ASTN1: variants seen among roughly 807,000 people sequenced by gnomAD.
The protein encoded by ASTN1 is astrotactin-1.
ASTN1 carries 41 observed loss-of-function variants against 140.7 expected under a neutral mutation model. The ratio of observed to expected loss-of-function variants is 0.29; its 90% CI spans 0.23 to 0.38. The LOEUF (loss-of-function observed/expected upper bound fraction) is 0.38. Among genes scored for constraint, ASTN1 ranks in the 10% least tolerant of loss-of-function variants. The pLI is 1.00. For synonymous variants in ASTN1, 640 were observed against 652.2 expected (o/e 0.98, Z 0.29); for missense variants, 1,479 against 1,678.8 (o/e 0.88, Z 2.08).
chr1:177,118,052 A>C (rs1225869323), intron 1 of ASTN1, among the ~76,000 whole-genome samples: 1 of 152,176 alleles, frequency 6.6e-6, no homozygotes, highest in Non-Finnish European at 1.5e-5. Context: ...TCTGCTTTGT[A>C]TCATATTTAT....
At chr1:176,918,892 G>T (rs967316369) in intron 16 of ASTN1, among the ~76,000 whole-genome samples, 10 of 151,946 alleles carry the variant, frequency 6.6e-5, no homozygotes, top group Non-Finnish European at 2.9e-5. Flanking sequence ...CACTTGTCCT[G>T]CCCCAACCCC....
intron 17 of ASTN1, among the ~76,000 whole-genome samples, chr1:176,892,576 A>G (rs1056168055): frequency 1.3e-5 from 2 of 152,192 alleles, no homozygotes; most frequent in East Asian, 3.9e-4. Context: ...GGTTTGAGAT[A>G]CCTGGTTCAT....
At chr1:177,090,310 T>C (rs1212150066) in intron 1 of ASTN1, among the ~76,000 whole-genome samples, 2 of 152,010 alleles carry the variant, frequency 1.3e-5, no homozygotes, top group Non-Finnish European at 2.9e-5. Context: ...TCCTTAACAT[T>C]AATTGAGCAT....
At position 177,164,398 on chromosome 1, in the gene ASTN1, C is replaced by A. The variant is rs1358713952; in HGVS notation, c.279G>T (p.Val93=). ...TCGACCTCCCCCGGGACTCACCCAG[C>A]ACGAAGTAGGGCAGCTCCGTGTTCT... is the stretch of plus-strand genomic sequence containing the variant. ...DLENTELPYF[V]LEISGNTEDI... The change falls in exon 1 of 23, where the codon GTG becomes GTT. Residue 93 remains valine, a synonymous_variant. Coordinates refer to ENST00000361833, the MANE Select transcript of ASTN1 (RefSeq NM_004319.3). 11 of 1,594,308 alleles carry A rather than the reference C, an allele frequency of 6.9e-6. No individual in the cohort carries two copies. The highest frequency in any genetic ancestry group is 9.4e-6 in the Non-Finnish European group (11 of 1,168,938).
At chr1:176,935,429 G>A (rs1671400957) in intron 15 of ASTN1, among the ~76,000 whole-genome samples, 2 of 152,198 alleles carry the variant, frequency 1.3e-5, no homozygotes, top group African/African-American at 4.8e-5. Context: ...CACCAGAAGA[G>A]TTTCTGTCAG....
At chr1:177,013,621 G>A (rs1284238942) in intron 8 of ASTN1, among the ~76,000 whole-genome samples, 6 of 152,132 alleles carry the variant, frequency 3.9e-5, no homozygotes, top group Admixed American at 3.9e-4. Context: ...TGACCTCAGG[G>A]ATGTGAGTCC....
chr1:176,952,903 C>T (rs986586712), intron 11 of ASTN1, among the ~76,000 whole-genome samples: 1 of 152,174 alleles, frequency 6.6e-6, no homozygotes, highest in African/African-American at 2.4e-5. Context: ...TTATATTTAG[C>T]ATTCCTAGGG....
chr1:176,911,727 A>G (rs4650953), intron 16 of ASTN1, among the ~76,000 whole-genome samples: 42,805 of 152,078 alleles, frequency 0.28, 6,540 homozygotes, highest in African/African-American at 0.38. Context: ...ACCTGCCTGA[A>G]GCTGTCTTAC....
chr1:176,925,962 C>A (rs988621183), intron 16 of ASTN1, among the ~76,000 whole-genome samples: 5 of 151,962 alleles, frequency 3.3e-5, no homozygotes, highest in African/African-American at 9.7e-5. Flanking sequence ...CCCGGCACCA[C>A]GCCCAGCTAA....
intron 22 of ASTN1, among the ~76,000 whole-genome samples, chr1:176,868,538 C>A (rs1160738651): frequency 6.6e-6 from 1 of 152,162 alleles, no homozygotes. Context: ...CAAGACCATG[C>A]TTTTGACTCT....
intron 1 of ASTN1, among the ~76,000 whole-genome samples, chr1:177,104,430 T>C (rs1680448527): frequency 1.3e-5 from 2 of 152,324 alleles, no homozygotes; most frequent in African/African-American, 4.8e-5. Context: ...AAAAGTCCCT[T>C]AATAATTTAT....
intron 2 of ASTN1, among the ~76,000 whole-genome samples, chr1:177,047,493 A>G (rs1311382742): frequency 1.3e-5 from 2 of 152,164 alleles, no homozygotes; most frequent in Non-Finnish European, 2.9e-5. Flanking sequence ...GGAGGAACCT[A>G]CTCAAGGTTT....
chr1:176,989,879 G>C (rs931120590), intron 8 of ASTN1, among the ~76,000 whole-genome samples: 1 of 151,874 alleles, frequency 6.6e-6, no homozygotes, highest in African/African-American at 2.4e-5. Context: ...TGTGCTCAAA[G>C]CTCCAATTAT....
At chr1:177,100,850 T>C (rs1220594163) in intron 1 of ASTN1, among the ~76,000 whole-genome samples, 1 of 152,112 alleles carries the variant, frequency 6.6e-6, no homozygotes, top group Non-Finnish European at 1.5e-5. Context: ...CTCAGCACTT[T>C]GGGAGGCCGA....
intron 16 of ASTN1, among the ~76,000 whole-genome samples, chr1:176,933,680 A>T (rs1271652149): frequency 6.6e-6 from 1 of 152,236 alleles, no homozygotes; most frequent in African/African-American, 2.4e-5. Context: ...AACACAAATC[A>T]GTCGGAAAAA....
intron 8 of ASTN1, among the ~76,000 whole-genome samples, chr1:176,991,092 A>T (rs1173566614): frequency 6.6e-6 from 1 of 152,118 alleles, no homozygotes; most frequent in Non-Finnish European, 1.5e-5. Context: ...TTAATAAAAC[A>T]TCTTCAACAC....
intron 8 of ASTN1, among the ~76,000 whole-genome samples, chr1:176,992,989 G>A (rs112422133): frequency 6.6e-6 from 1 of 152,162 alleles, no homozygotes; most frequent in East Asian, 1.9e-4. Flanking sequence ...GCTTCGTTAC[G>A]AGAAGAGGAA....
chr1:177,115,644 G>C (rs931326081), intron 1 of ASTN1, among the ~76,000 whole-genome samples: 2 of 147,270 alleles, frequency 1.4e-5, no homozygotes, highest in South Asian at 2.2e-4. Flanking sequence ...GCAACAGAGA[G>C]AGACTGTGTC....
intron 13 of ASTN1, among the ~76,000 whole-genome samples, chr1:176,944,737 C>A (rs78572784): frequency 0.049 from 7,494 of 152,244 alleles, 617 homozygotes; most frequent in African/African-American, 0.17. Context: ...TTTCCTCTTT[C>A]CCAACTCAGT....
Sources: allele counts gnomAD v4.1 joint callset (sites outside exome capture counted in the v4.1 genomes callset), GRCh38; gene constraint gnomAD v4.1.1; transcripts MANE v1.5; gene names NCBI Gene and HGNC (gene_info 2026-07-23, HGNC 2026-07-21).